Variants in UBE2J1 observed in about 807,000 individuals in gnomAD.
UBE2J1 encodes ubiquitin-conjugating enzyme E2 J1.
In UBE2J1, 17 loss-of-function variants were observed where a neutral mutation model predicts 42.1. That is an observed-to-expected ratio of 0.40 (90% CI 0.28 to 0.61). The LOEUF (loss-of-function observed/expected upper bound fraction) is 0.61, where lower values mean the gene tolerates loss of function less well. Among genes scored for constraint, UBE2J1 ranks in the 20% least tolerant of loss-of-function variants. The pLI, the probability that UBE2J1 is intolerant of heterozygous loss-of-function variation, is 0.38. For missense variants in UBE2J1, 291 were observed against 389.4 expected, an observed-to-expected ratio of 0.75 and a Z score of 2.13; for synonymous variants, 127 against 137.2, an observed-to-expected ratio of 0.93 and a Z score of 0.52.
intron 7 of UBE2J1, 68 bp downstream of exon 7, chr6:89,333,015 ATCT>A (rs937033084): frequency 1.5e-6 from 2 of 1,367,878 alleles, no homozygotes; most frequent in African/African-American, 3.0e-5. Context: ...TTGATCCAGG[ATCT>A]TCTCCTCCTA....
In UBE2J1 at chr6:89,328,370, G is replaced by A. The variant is rs1342019051; in HGVS notation, c.*1309C>T. 2 of 152,118 alleles carry A rather than the reference G, an allele frequency of 1.3e-5. No individual in the cohort carries two copies. The highest frequency in any genetic ancestry group is 6.5e-5 in the Admixed American group (1 of 15,276). 9.4% of individuals were successfully genotyped at this position (152,118 alleles called of 1,614,324 possible). A position where few individuals can be genotyped will look rare whatever the true frequency, so the allele number is the denominator to read the frequency against. On this transcript the variant is annotated 3_prime_UTR_variant, in exon 8 of 8. Coordinates refer to ENST00000435041, the MANE Select transcript of UBE2J1 (RefSeq NM_016021.3). Reference sequence around the variant, plus strand: ...AAGATATACATATGGGCTAACTTTCGTGGACCGATCTAGAACCTAAATACC... The same window carrying A: ...AAGATATACATATGGGCTAACTTTCATGGACCGATCTAGAACCTAAATACC...
In UBE2J1 at chr6:89,352,541, G is replaced by A; in HGVS notation, c.29C>T (p.Pro10Leu). 6.4e-7 allele frequency: 1 copy of A among 1,570,922 alleles called. No individual in the cohort carries two copies. Among genetic ancestry groups the A allele is most frequent in the Non-Finnish European group, 8.6e-7 (1 of 1,164,820 alleles). Residue 10 changes from proline (P) to leucine (L), a missense_variant and splice_region_variant, in exon 1 of 8, where the codon CCG (proline) becomes CTG (leucine). This residue lies in a region of UBE2J1 where 115 missense variants were observed against 193.1 expected (regional missense o/e 0.60). Coordinates refer to ENST00000435041, the MANE Select transcript of UBE2J1 (RefSeq NM_016021.3). ...CCAGGGGCCCCAGCCCTGCTCACCC[G>A]GACTCTTCAGGTTGTAGCGGGTCTC... is the stretch of plus-strand genomic sequence containing the variant. METRYNLKS[P>L]AVKRLMKEAA...
chr6:89,351,169 C>T (rs1768470750), intron 1 of UBE2J1, among the ~76,000 whole-genome samples: 1 of 147,426 alleles, frequency 6.8e-6, no homozygotes, highest in African/African-American at 2.5e-5. Context: ...GCAACCTCCT[C>T]CCCGGGTCAA....
In UBE2J1 at chr6:89,329,759, T is replaced by A. The variant is rs1350425806; in HGVS notation, c.877A>T (p.Ile293Phe). ...AGAGCTGCCAATGCCAAAGTCAGGA[T>A]GACAATCAGTACAGCTGACCCACCA... ...DHGGSAVLIV[I>F]LTLALAALIF... Residue 293 changes from isoleucine (I) to phenylalanine (F), a missense_variant, in exon 8 of 8, where the codon ATC becomes TTC. By Grantham distance (21) the Ile-to-Phe change is conservative (BLOSUM62 0). Coordinates refer to ENST00000435041, the MANE Select transcript of UBE2J1 (RefSeq NM_016021.3). The A allele has an allele frequency of 6.2e-7, 1 of 1,614,112 alleles. No individual in the cohort carries two copies. Among genetic ancestry groups the A allele is most frequent in the Admixed American group, 1.7e-5 (1 of 60,006 alleles).
At position 89,326,831 on chromosome 6, in the gene UBE2J1, G is replaced by A. The variant is rs147690205; in HGVS notation, c.*2848C>T. 1.3e-5 allele frequency: 2 copies of A among 152,072 alleles called. No individual in the cohort carries two copies. The highest frequency in any genetic ancestry group is 4.8e-5 in the African/African-American group (2 of 41,390). The allele number at this position is 152,072 out of a possible 1,614,324, so 9.4% of individuals were successfully genotyped here. On this transcript the variant is annotated 3_prime_UTR_variant, in exon 8 of 8. Transcript: ENST00000435041. ...ATACTTCCAATTAAAAAAACACATA[G>A]GCTTTTCAGTATTTTGGCCTAGATT...
Position 89,326,779 on chromosome 6 carries a change from C to T in UBE2J1, c.*2900G>A, listed in dbSNP as rs543461384. ...TGTGCACATTAGTCTTTGTTAGTCA[C>T]GTTCACTAAATGCATTAACCTTACA... On this transcript the variant is annotated 3_prime_UTR_variant, in exon 8 of 8. Transcript: ENST00000435041. 6.6e-6 allele frequency: 1 copy of T among 152,220 alleles called. No homozygotes were observed. The highest frequency in any genetic ancestry group is 1.5e-5 in the Non-Finnish European group (1 of 68,012). The allele number at this position is 152,220 out of a possible 1,614,324, so 9.4% of individuals were successfully genotyped here.
At position 89,338,158 on chromosome 6, in the gene UBE2J1, C is replaced by T. The variant is rs369476711; in HGVS notation, c.428+47G>A. 5.8e-6 allele frequency: 8 copies of T among 1,372,688 alleles called. No homozygotes were observed. The African/African-American group carries it at 7.2e-5, about 12-fold the overall frequency. 85.0% of individuals were successfully genotyped at this position (1,372,688 alleles called of 1,614,324 possible). On this transcript the variant is annotated intron_variant, in intron 5 of 7. Transcript: ENST00000435041. ...AGGCCCTACCTCCTAATAGCCATTACCCTGAATACTATTCAGACCTCAAGA... is the reference window on the plus strand; with the variant it reads ...AGGCCCTACCTCCTAATAGCCATTATCCTGAATACTATTCAGACCTCAAGA...
At chr6:89,343,845 AGAGAACTAG>A in intron 1 of UBE2J1, 89 bp from the exon 2 acceptor site, 1 of 995,162 alleles carries the variant, frequency 1.0e-6, no homozygotes, top group Non-Finnish European at 1.5e-6. Flanking sequence ...AAAAATGTGT[AGAGAACTAG>A]TGCAAATGAG....
At chr6:89,341,330 T>G (rs1393092751) in intron 3 of UBE2J1, among the ~76,000 whole-genome samples, 1 of 152,222 alleles carries the variant, frequency 6.6e-6, no homozygotes, top group Non-Finnish European at 1.5e-5. Context: ...TGATAACAGA[T>G]ACAGGGAATG....
At chr6:89,333,025 C>T in intron 7 of UBE2J1, 61 bp downstream of exon 7, 3 of 1,417,746 alleles carry the variant, frequency 2.1e-6, no homozygotes, top group Non-Finnish European at 2.8e-6. Flanking sequence ...ATCTTCTCCT[C>T]CTATTGCAAA....
rs769994225 is a variant in UBE2J1, at chr6:89,335,382, G to C, written c.478C>G (p.Leu160Val). 1.9e-6 allele frequency: 3 copies of C among 1,607,008 alleles called. No homozygotes were observed. The highest frequency in any genetic ancestry group is 1.1e-5 in the South Asian group (1 of 90,152). The change falls in exon 6 of 8, where the codon CTG becomes GTG. Residue 160 changes from leucine (L) to valine (V), a missense_variant. Physicochemically the swap from Leu to Val is conservative, Grantham distance 32. Coordinates refer to ENST00000435041, the MANE Select transcript of UBE2J1 (RefSeq NM_016021.3). ...TCGCTTCCAGATTTTAAAGGCAACAGGACATCCTTCATGGCAGAGCCACAT... is the reference window on the plus strand; with the variant it reads ...TCGCTTCCAGATTTTAAAGGCAACACGACATCCTTCATGGCAGAGCCACAT... The part of the protein sequence containing the change: ...EGCGSAMKDV[L>V]LPLKSGSDSS...
intron 5 of UBE2J1, 74 bp downstream of exon 5, chr6:89,338,131 G>A (rs1768145201): frequency 9.2e-6 from 9 of 974,476 alleles, no homozygotes; most frequent in Non-Finnish European, 1.4e-5. Flanking sequence ...ATAGTAAGAG[G>A]TAGGCCCTAC....
At chr6:89,346,258 G>A (rs1183978979) in intron 1 of UBE2J1, among the ~76,000 whole-genome samples, 1 of 152,066 alleles carries the variant, frequency 6.6e-6, no homozygotes, top group Admixed American at 6.5e-5. Context: ...CCTATATGCA[G>A]AGACTTTGTT....
At chr6:89,342,764 A>T (rs1171382268) in intron 2 of UBE2J1, among the ~76,000 whole-genome samples, 2 of 152,208 alleles carry the variant, frequency 1.3e-5, no homozygotes, top group African/African-American at 2.4e-5. Flanking sequence ...TCCTTGAAAG[A>T]ATAGCAAATT....
intron 1 of UBE2J1, among the ~76,000 whole-genome samples, chr6:89,345,089 A>G (rs572462776): frequency 3.9e-5 from 6 of 152,338 alleles, no homozygotes; most frequent in African/African-American, 1.4e-4. Context: ...CTGGGCATCT[A>G]ACTTTAGAGC....
chr6:89,347,729 A>G (rs1490993755), intron 1 of UBE2J1, among the ~76,000 whole-genome samples: 4 of 152,218 alleles, frequency 2.6e-5, no homozygotes. Context: ...TGCTTCAGTG[A>G]AAAGAAACAG....
At chr6:89,333,007 G>A (rs1768037392) in intron 7 of UBE2J1, 79 bp downstream of exon 7, 1 of 1,327,222 alleles carries the variant, frequency 7.5e-7, no homozygotes, top group East Asian at 2.7e-5. Flanking sequence ...TCAGATATTT[G>A]ATCCAGGATC....
rs1405521251 is a variant in UBE2J1 at position 89,336,499 on chromosome 6, A to AT, written c.429-1069dup. Among the ~76,000 whole-genome samples the AT allele has an allele frequency of 7.1e-4, 103 of 144,756 alleles. 3 individuals carry two copies. The highest frequency in any genetic ancestry group is 2.6e-3 in the South Asian group (12 of 4,568). The allele number at this position is 144,756 out of a possible 152,430, so 95.0% of individuals were successfully genotyped here. On this transcript the variant is annotated intron_variant, in intron 5 of 7. Coordinates refer to ENST00000435041, the MANE Select transcript of UBE2J1 (RefSeq NM_016021.3). ...TTTTTTTTTTTTATTTCATTTTATT[A>AT]TTATTTTTTTTTTTGTAGAGACAGT...
At chr6:89,333,998 GTATT>G (rs952584207) in intron 6 of UBE2J1, among the ~76,000 whole-genome samples, 2 of 152,170 alleles carry the variant, frequency 1.3e-5, no homozygotes, top group South Asian at 2.1e-4. Context: ...ATGTATGTAT[GTATT>G]TATTTATTTA....
Sources: gnomAD v4.1 joint callset for allele counts (sites outside exome capture counted in the v4.1 genomes callset) on GRCh38, gnomAD v4.1.1 for gene constraint, gnomAD v4.1.1 regional missense constraint, MANE v1.5 for transcripts, NCBI Gene and HGNC (gene_info 2026-07-23, HGNC 2026-07-21) for gene names.